The following IGF1R variants were observed in gnomAD, a reference collection of about 807,000 sequenced individuals.
IGF1R encodes insulin-like growth factor 1 receptor.
IGF1R carries 44 observed loss-of-function variants against 144.6 expected under a neutral mutation model. The ratio of observed to expected loss-of-function variants is 0.30; its 90% CI spans 0.24 to 0.39. IGF1R has a LOEUF of 0.39. IGF1R is among the 10% of genes least tolerant of loss of function. The pLI is 1.00. For missense variants in IGF1R, 1,355 were observed against 1,833.7 expected (o/e 0.74, Z 4.77); for synonymous variants, 795 against 722.8 (o/e 1.10, Z -1.60).
chr15:98,810,594 G>A (rs62023602), intron 2 of IGF1R, among the ~76,000 whole-genome samples: 3,510 of 150,762 alleles, frequency 0.023, 63 homozygotes, highest in Non-Finnish European at 0.03. Flanking sequence ...TGTAGCCCAG[G>A]CTGGAGTGCG....
At chr15:98,776,431 G>A (rs916322240) in intron 2 of IGF1R, among the ~76,000 whole-genome samples, 4 of 152,058 alleles carry the variant, frequency 2.6e-5, no homozygotes, top group African/African-American at 4.8e-5. Context: ...GATGATCCAC[G>A]CGCCTTGGCC....
rs1428382900 is a variant in IGF1R at position 98,960,151 on chromosome 15, AACCTCATCCACG to A, written c.*2710_*2721del. 4.3e-6 allele frequency: 1 copy of A among 233,620 alleles called. No homozygotes were observed. Among genetic ancestry groups the A allele is most frequent in the Admixed American group, 5.6e-5 (1 of 17,788 alleles). 14.5% of individuals were successfully genotyped at this position (233,620 alleles called of 1,614,324 possible). A position where few individuals can be genotyped will look rare whatever the true frequency, so the allele number is the denominator to read the frequency against. On this transcript the variant is annotated 3_prime_UTR_variant, in exon 21 of 21. Transcript: ENST00000650285. ...CTGACAATAGGCCGTTGATACTGGT[AACCTCATCCACG>A]CCACAGGCGCCACACCCAGGTGATG...
In IGF1R at chr15:98,962,078, G is replaced by T. The variant is rs1189797563; in HGVS notation, c.*4636G>T. On this transcript the variant is annotated 3_prime_UTR_variant, in exon 21 of 21. Transcript: ENST00000650285. Reference sequence around the variant, plus strand: ...TTCCCACAGCAGTCCACCTCTGCAGGCTGGCAGCCGAATGGCTTGCCAGTG... The same window carrying T: ...TTCCCACAGCAGTCCACCTCTGCAGTCTGGCAGCCGAATGGCTTGCCAGTG... 3 of 233,228 alleles carry T rather than the reference G, an allele frequency of 1.3e-5. No homozygotes were observed. In the Admixed American group the frequency reaches 1.7e-4, roughly 13 times the overall value. 14.4% of individuals were successfully genotyped at this position (233,228 alleles called of 1,614,324 possible).
chr15:98,743,956 A>T (rs141253775), intron 2 of IGF1R, among the ~76,000 whole-genome samples: 1 of 152,184 alleles, frequency 6.6e-6, no homozygotes, highest in Non-Finnish European at 1.5e-5. Flanking sequence ...AACTATGGCA[A>T]TGCCCATTAC....
At chr15:98,656,808 T>C (rs1268089861) in intron 1 of IGF1R, among the ~76,000 whole-genome samples, 1 of 152,204 alleles carries the variant, frequency 6.6e-6, no homozygotes, top group Non-Finnish European at 1.5e-5. Flanking sequence ...CATCCATCCG[T>C]CCATCGTCCA....
chr15:98,785,559 T>G (rs2055972581), intron 2 of IGF1R, among the ~76,000 whole-genome samples: 1 of 152,196 alleles, frequency 6.6e-6, no homozygotes, highest in Admixed American at 6.5e-5. Flanking sequence ...GCCGCAGGCT[T>G]TAGCGTTCAG....
rs150224486 is a variant in IGF1R, at chr15:98,736,848, G to T, written c.640+28741G>T. On this transcript the variant is annotated intron_variant, in intron 2 of 20. Transcript: ENST00000650285. ...GCTGGTCTTGAACTCTTAAGCTCAG[G>T]CAATCCGCCTATCTCGGGCTCCCAA... Among the ~76,000 whole-genome samples the T allele has an allele frequency of 9.2e-5, 14 of 152,142 alleles. No homozygotes were observed. In the South Asian group the frequency reaches 2.3e-3, roughly 25 times the overall value.
chr15:98,848,591 T>A (rs1167406280), intron 2 of IGF1R, among the ~76,000 whole-genome samples: 1 of 152,250 alleles, frequency 6.6e-6, no homozygotes, highest in Non-Finnish European at 1.5e-5. Context: ...GGCAGAATTC[T>A]TCCATGGCCA....
At chr15:98,763,257 T>C (rs2055352566) in intron 2 of IGF1R, among the ~76,000 whole-genome samples, 1 of 152,166 alleles carries the variant, frequency 6.6e-6, no homozygotes, top group Admixed American at 6.5e-5. Flanking sequence ...TTACATAACC[T>C]AGTTAGGGAA....
At chr15:98,650,720 G>A (rs185531477) in intron 1 of IGF1R, among the ~76,000 whole-genome samples, 3 of 152,342 alleles carry the variant, frequency 2.0e-5, no homozygotes, top group African/African-American at 4.8e-5. Flanking sequence ...AGGGTGTTGT[G>A]TTTTGCGAGC....
intron 2 of IGF1R, among the ~76,000 whole-genome samples, chr15:98,851,208 G>A (rs2011515309): frequency 2.0e-5 from 3 of 152,316 alleles, no homozygotes; most frequent in Admixed American, 6.5e-5. Context: ...GCTGAGGAAC[G>A]GATGCTTGGA....
chr15:98,912,701 A>C (rs41373647), intron 7 of IGF1R, among the ~76,000 whole-genome samples: 20,351 of 152,214 alleles, frequency 0.13, 1,657 homozygotes, highest in East Asian at 0.34. Flanking sequence ...AATATCTGAT[A>C]TTTGCATTAA....
rs370254377 is a variant in IGF1R at position 98,896,790 on chromosome 15, G to A, written c.987G>A (p.Pro329=). 11 of 1,613,666 alleles carry A rather than the reference G, an allele frequency of 6.8e-6. No individual in the cohort carries two copies. The highest frequency in any genetic ancestry group is 6.7e-5 in the East Asian group (3 of 44,882). Reference sequence around the variant, plus strand: ...GCATCCCTTGTGAAGGTCCTTGCCCGAAGGTCTGTGAGGAAGAAAAGAAAA... The same window carrying A: ...GCATCCCTTGTGAAGGTCCTTGCCCAAAGGTCTGTGAGGAAGAAAAGAAAA... ...MYCIPCEGPC[P]KVCEEEKKTK... is the part of the protein sequence containing the mutation. Residue 329 remains proline (P), a synonymous_variant, in exon 4 of 21, where the codon CCG becomes CCA. Coordinates refer to ENST00000650285, the MANE Select transcript of IGF1R (RefSeq NM_000875.5).
At chr15:98,672,731 G>T (rs949917425) in intron 1 of IGF1R, among the ~76,000 whole-genome samples, 4 of 152,132 alleles carry the variant, frequency 2.6e-5, no homozygotes, top group African/African-American at 9.7e-5. Flanking sequence ...TAATGGCTTG[G>T]CCACTCAAGT....
chr15:98,783,254 C>T (rs536206052), intron 2 of IGF1R, among the ~76,000 whole-genome samples: 6 of 152,144 alleles, frequency 3.9e-5, no homozygotes, highest in Non-Finnish European at 5.9e-5. Context: ...AGGATATTGA[C>T]GTTAATATAG....
intron 2 of IGF1R, among the ~76,000 whole-genome samples, chr15:98,763,044 CA>C (rs58091658): frequency 0.16 from 21,910 of 134,382 alleles, 1,722 homozygotes; most frequent in East Asian, 0.27. Context: ...GGTTCCATCT[CA>C]AAAAAAAAAA....
chr15:98,810,687 T>C (rs974890761), intron 2 of IGF1R, among the ~76,000 whole-genome samples: 1 of 152,038 alleles, frequency 6.6e-6, no homozygotes, highest in Non-Finnish European at 1.5e-5. Context: ...TAGCTGGGAC[T>C]ACAGGCGCCC....
intron 2 of IGF1R, among the ~76,000 whole-genome samples, chr15:98,784,205 G>T (rs1479969991): frequency 6.6e-6 from 1 of 151,802 alleles, no homozygotes; most frequent in Non-Finnish European, 1.5e-5. Context: ...AAAGTGCTGG[G>T]ATTACAGGCG....
At chr15:98,689,422 A>T (rs1596189644) in intron 1 of IGF1R, among the ~76,000 whole-genome samples, 1 of 115,664 alleles carries the variant, frequency 8.6e-6, no homozygotes. Context: ...TATTTTTAGT[A>T]GGGACAAAGT....
Sources: allele counts gnomAD v4.1 joint callset (sites outside exome capture counted in the v4.1 genomes callset), GRCh38; gene constraint gnomAD v4.1.1; transcripts MANE v1.5; gene names NCBI Gene and HGNC (gene_info 2026-07-23, HGNC 2026-07-21).